The following ZMAT4 variants were observed in gnomAD, a reference collection of about 807,000 sequenced individuals.
ZMAT4 encodes the protein zinc finger matrin-type protein 4.
ZMAT4 carries 17 observed loss-of-function variants against 28.7 expected under a neutral mutation model. The observed-to-expected ratio is 0.59, with a 90% CI of 0.41 to 0.89. The LOEUF (loss-of-function observed/expected upper bound fraction) is 0.89, where lower values mean the gene tolerates loss of function less well. Among genes scored for constraint, ZMAT4 ranks in the 40% least tolerant of loss-of-function variants. The pLI, the probability that ZMAT4 is intolerant of heterozygous loss-of-function variation, is 0.00. For synonymous variants in ZMAT4, 117 were observed against 109.2 expected (o/e 1.07, Z -0.44); for missense variants, 240 against 283.8 (o/e 0.85, Z 1.11).
chr8:40,801,810 C>T (rs563858709), intron 2 of ZMAT4, among the ~76,000 whole-genome samples: 4 of 152,166 alleles, frequency 2.6e-5, no homozygotes, highest in African/African-American at 9.6e-5. Context: ...CTCCTATGAA[C>T]ATAGATGCAA....
chr8:40,653,217 A>C (rs950845327), intron 5 of ZMAT4, among the ~76,000 whole-genome samples: 1 of 152,134 alleles, frequency 6.6e-6, no homozygotes, highest in African/African-American at 2.4e-5. Context: ...TGAAAATGAA[A>C]ACGATATATC....
intron 5 of ZMAT4, among the ~76,000 whole-genome samples, chr8:40,612,932 C>T (rs1805853834): frequency 6.6e-6 from 1 of 151,684 alleles, no homozygotes; most frequent in South Asian, 2.1e-4. Context: ...CCTGCCTCAG[C>T]CTCCTAAGTA....
intron 2 of ZMAT4, among the ~76,000 whole-genome samples, chr8:40,821,893 C>T (rs1391301885): frequency 1.3e-5 from 2 of 152,156 alleles, no homozygotes; most frequent in South Asian, 2.1e-4. Context: ...AAGATAGATA[C>T]CAAGATTTTT....
Position 40,847,222 on chromosome 8 carries a change from A to T in ZMAT4, c.-4-21542T>A, listed in dbSNP as rs532651206. Among the ~76,000 whole-genome samples, 5 of 151,874 alleles carry T rather than the reference A, an allele frequency of 3.3e-5. No homozygotes were observed. In the South Asian group the frequency reaches 1.0e-3, roughly 32 times the overall value. ...CCATCTAAAAAAACAAACAAACAAA[A>T]AAAAAAAACTGGGGGAAATCCAGTC... On this transcript the variant is annotated intron_variant, in intron 1 of 6. Transcript: ENST00000297737.
At chr8:40,701,952 G>A (rs1376672453) in intron 3 of ZMAT4, among the ~76,000 whole-genome samples, 2 of 152,180 alleles carry the variant, frequency 1.3e-5, no homozygotes, top group Non-Finnish European at 2.9e-5. Context: ...ACAGTGTTGA[G>A]AGATGGGACC....
At chr8:40,718,214 A>G (rs1810935534) in intron 3 of ZMAT4, among the ~76,000 whole-genome samples, 1 of 152,242 alleles carries the variant, frequency 6.6e-6, no homozygotes, top group African/African-American at 2.4e-5. Context: ...ACTGGTAGCA[A>G]TTCTGCCCAA....
At chr8:40,550,819 T>C (rs1484318918) in intron 6 of ZMAT4, among the ~76,000 whole-genome samples, 1 of 152,158 alleles carries the variant, frequency 6.6e-6, no homozygotes, top group Admixed American at 6.5e-5. Flanking sequence ...AATTACCCAG[T>C]TTCAAGTATT....
At chr8:40,857,642 C>T (rs1390914180) in intron 1 of ZMAT4, among the ~76,000 whole-genome samples, 1 of 152,152 alleles carries the variant, frequency 6.6e-6, no homozygotes, top group African/African-American at 2.4e-5. Context: ...AAATATATAT[C>T]TACCCTATCA....
At chr8:40,623,906 G>A (rs1394847215) in intron 5 of ZMAT4, among the ~76,000 whole-genome samples, 4 of 152,134 alleles carry the variant, frequency 2.6e-5, no homozygotes, top group African/African-American at 9.7e-5. Context: ...CTTTGTCCCT[G>A]GATCCTACAG....
intron 4 of ZMAT4, among the ~76,000 whole-genome samples, chr8:40,678,901 C>T (rs1394227275): frequency 6.6e-6 from 1 of 152,166 alleles, no homozygotes; most frequent in South Asian, 2.1e-4. Flanking sequence ...TTATTAATAT[C>T]TTTGGTCATG....
intron 5 of ZMAT4, among the ~76,000 whole-genome samples, chr8:40,627,619 G>C (rs1202187410): frequency 6.6e-6 from 1 of 152,108 alleles, no homozygotes; most frequent in Non-Finnish European, 1.5e-5. Context: ...TGTATAAGCA[G>C]GGAATACAAT....
intron 5 of ZMAT4, among the ~76,000 whole-genome samples, chr8:40,600,012 C>A (rs1407662135): frequency 1.3e-5 from 2 of 152,208 alleles, no homozygotes; most frequent in East Asian, 3.9e-4. Context: ...GCCATGCTTG[C>A]ATGTCCCTGT....
At chr8:40,837,213 G>A (rs1450997634) in intron 1 of ZMAT4, among the ~76,000 whole-genome samples, 3 of 152,180 alleles carry the variant, frequency 2.0e-5, no homozygotes, top group Non-Finnish European at 4.4e-5. Flanking sequence ...CACAGTTCCA[G>A]GCCTGGCCCT....
At chr8:40,824,703 GA>G (rs1815963750) in intron 2 of ZMAT4, among the ~76,000 whole-genome samples, 1 of 115,584 alleles carries the variant, frequency 8.7e-6, no homozygotes, top group Non-Finnish European at 1.9e-5. Context: ...AAGAAAGAAA[GA>G]AAAGAAAGAA....
chr8:40,886,229 C>T (rs149688960), intron 1 of ZMAT4, among the ~76,000 whole-genome samples: 7 of 152,338 alleles, frequency 4.6e-5, no homozygotes, highest in Admixed American at 4.6e-4. Flanking sequence ...TGAAGCCAAA[C>T]AGTCCCCAGA....
At chr8:40,540,373 C>T (rs1034208236) in intron 6 of ZMAT4, among the ~76,000 whole-genome samples, 24 of 152,092 alleles carry the variant, frequency 1.6e-4, no homozygotes, top group Admixed American at 9.2e-4. Context: ...TTTAAATTGT[C>T]TGCAAGCCTA....
chr8:40,673,032 A>T (rs1240509493), intron 5 of ZMAT4, among the ~76,000 whole-genome samples: 1 of 152,196 alleles, frequency 6.6e-6, no homozygotes, highest in Non-Finnish European at 1.5e-5. Flanking sequence ...CTTTTGGAAA[A>T]AATCAATCTC....
chr8:40,679,811 A>G (rs530345794), intron 4 of ZMAT4, among the ~76,000 whole-genome samples: 1 of 152,346 alleles, frequency 6.6e-6, no homozygotes, highest in Non-Finnish European at 1.5e-5. Flanking sequence ...CTAACTCTTC[A>G]TGGTGCCAGC....
chr8:40,563,291 T>C (rs1433912054), intron 6 of ZMAT4, among the ~76,000 whole-genome samples: 3 of 152,186 alleles, frequency 2.0e-5, no homozygotes, highest in Admixed American at 1.3e-4. Context: ...ATAAAGTCAG[T>C]CTCAAATATA....
Sources: gnomAD v4.1 joint callset for allele counts (sites outside exome capture counted in the v4.1 genomes callset) on GRCh38, gnomAD v4.1.1 for gene constraint, MANE v1.5 for transcripts, NCBI Gene and HGNC (gene_info 2026-07-23, HGNC 2026-07-21) for gene names.